The following GABRG3 variants were observed in gnomAD, a reference collection of about 807,000 sequenced individuals.
The protein encoded by GABRG3 is gamma-aminobutyric acid type A receptor subunit gamma3, also known as gamma-aminobutyric acid receptor subunit gamma-3.
A neutral mutation model predicts 48.8 loss-of-function variants in GABRG3; 25 were observed. That is an observed-to-expected ratio of 0.51 (90% CI 0.37 to 0.72). The LOEUF (loss-of-function observed/expected upper bound fraction) is 0.72. Among genes scored for constraint, GABRG3 ranks in the 30% least tolerant of loss-of-function variants. GABRG3 has a pLI of 0.00. For missense variants in GABRG3, 394 were observed against 577.9 expected (o/e 0.68, Z 3.26); for synonymous variants, 227 against 217.6 (o/e 1.04, Z -0.38).
chr15:27,443,327 G>A (rs535301670), intron 5 of GABRG3, among the ~76,000 whole-genome samples: 62 of 152,290 alleles, frequency 4.1e-4, no homozygotes, highest in African/African-American at 1.5e-3. Flanking sequence ...GTCTTTCCAT[G>A]TGCTACATTG....
chr15:27,223,610 A>G (rs566348589), intron 3 of GABRG3, among the ~76,000 whole-genome samples: 2 of 152,234 alleles, frequency 1.3e-5, no homozygotes, highest in Non-Finnish European at 2.9e-5. Flanking sequence ...TAACACAGCC[A>G]CTTCTCACAT....
intron 3 of GABRG3, among the ~76,000 whole-genome samples, chr15:27,055,573 G>C (rs572060234): frequency 6.6e-6 from 1 of 152,278 alleles, no homozygotes; most frequent in South Asian, 2.1e-4. Flanking sequence ...AGAACACACG[G>C]TGTTTTCAGC....
At chr15:27,175,091 T>C (rs1352855727) in intron 3 of GABRG3, among the ~76,000 whole-genome samples, 2 of 152,024 alleles carry the variant, frequency 1.3e-5, no homozygotes, top group Non-Finnish European at 2.9e-5. Context: ...GGATGGTGGG[T>C]TTTGCTGTTG....
chr15:27,250,987 C>T (rs907808525), intron 3 of GABRG3, among the ~76,000 whole-genome samples: 3 of 152,140 alleles, frequency 2.0e-5, no homozygotes, highest in African/African-American at 4.8e-5. Context: ...AACTGCTCGC[C>T]ATCACAGTGC....
At chr15:27,133,228 A>G (rs958984625) in intron 3 of GABRG3, among the ~76,000 whole-genome samples, 6 of 152,214 alleles carry the variant, frequency 3.9e-5, no homozygotes, top group Admixed American at 6.5e-5. Context: ...CTGGCTTTCT[A>G]TTAGAAAATA....
At chr15:27,193,553 G>GT (rs1888400537) in intron 3 of GABRG3, among the ~76,000 whole-genome samples, 1 of 152,088 alleles carries the variant, frequency 6.6e-6, no homozygotes, top group African/African-American at 2.4e-5. Flanking sequence ...CTGGTGCGCC[G>GT]TTTTTTAAGC....
chr15:27,451,660 C>G (rs1889116020), intron 5 of GABRG3, among the ~76,000 whole-genome samples: 1 of 152,100 alleles, frequency 6.6e-6, no homozygotes, highest in South Asian at 2.1e-4. Flanking sequence ...CCCAAAAGCA[C>G]AGGCAACAAA....
intron 3 of GABRG3, among the ~76,000 whole-genome samples, chr15:27,320,482 C>T (rs1289551676): frequency 6.6e-6 from 1 of 152,138 alleles, no homozygotes; most frequent in Admixed American, 6.5e-5. Context: ...CGAGAGAAAC[C>T]TGAGGCTTTT....
chr15:27,219,705 C>T (rs7173587), intron 3 of GABRG3, among the ~76,000 whole-genome samples: 24,832 of 152,182 alleles, frequency 0.16, 3,155 homozygotes, highest in African/African-American at 0.35. Flanking sequence ...GTGTGCCTAA[C>T]GGGGAGTGCC....
chr15:27,345,767 CT>C (rs774232423), intron 5 of GABRG3, among the ~76,000 whole-genome samples: 1 of 152,014 alleles, frequency 6.6e-6, no homozygotes, highest in Non-Finnish European at 1.5e-5. Flanking sequence ...GTATGAGAAA[CT>C]TTTGGCTGAG....
At chr15:27,350,169 G>T (rs966597021) in intron 5 of GABRG3, 1 of 455,918 alleles carries the variant, frequency 2.2e-6, no homozygotes, top group East Asian at 7.0e-5. Context: ...GCATATCGCT[G>T]ACGTTTAAAA....
At chr15:27,121,252 C>T (rs1411609150) in intron 3 of GABRG3, among the ~76,000 whole-genome samples, 1 of 152,128 alleles carries the variant, frequency 6.6e-6, no homozygotes, top group Non-Finnish European at 1.5e-5. Context: ...GAGTTTGTGT[C>T]TGGGGTCAGT....
chr15:27,389,204 G>T (rs1896146513), intron 5 of GABRG3, among the ~76,000 whole-genome samples: 1 of 152,098 alleles, frequency 6.6e-6, no homozygotes. Flanking sequence ...CATTAAAATA[G>T]AAAATACGAA....
At chr15:27,235,232 A>G (rs1178915836) in intron 3 of GABRG3, among the ~76,000 whole-genome samples, 1 of 151,534 alleles carries the variant, frequency 6.6e-6, no homozygotes, top group African/African-American at 2.5e-5. Context: ...CCGCCAAACC[A>G]GAAAAAGGTG....
Position 27,396,864 on chromosome 15 carries a change from A to G in GABRG3, c.574+67976A>G, listed in dbSNP as rs182819360. Among the ~76,000 whole-genome samples the G allele has an allele frequency of 1.1e-3, 168 of 152,304 alleles. 3 individuals carry two copies. Among genetic ancestry groups the G allele is most frequent in the African/African-American group, 3.7e-3 (155 of 41,570 alleles). On this transcript the variant is annotated intron_variant, in intron 5 of 9. Transcript: ENST00000615808. ...AATGAAGGAAGACCAAAAACTACATATTGTATGATTTTATTTACATTCCTC... is the reference window on the plus strand; with the variant it reads ...AATGAAGGAAGACCAAAAACTACATGTTGTATGATTTTATTTACATTCCTC...
intron 3 of GABRG3, among the ~76,000 whole-genome samples, chr15:27,150,472 T>A (rs1173730415): frequency 6.6e-6 from 1 of 152,214 alleles, no homozygotes; most frequent in Non-Finnish European, 1.5e-5. Flanking sequence ...GTTAACAAGA[T>A]GTTTCCATGA....
intron 5 of GABRG3, among the ~76,000 whole-genome samples, chr15:27,372,655 G>A (rs1895453142): frequency 6.6e-6 from 1 of 152,154 alleles, no homozygotes; most frequent in African/African-American, 2.4e-5. Context: ...GCCTTCCGAA[G>A]TACTAGGCCA....
At chr15:27,493,228 A>G (rs1194963466) in intron 6 of GABRG3, among the ~76,000 whole-genome samples, 3 of 152,212 alleles carry the variant, frequency 2.0e-5, no homozygotes, top group African/African-American at 7.2e-5. Context: ...TTTTAACATG[A>G]GACATACTCT....
chr15:27,386,123 CTCTT>C (rs756640344), intron 5 of GABRG3, among the ~76,000 whole-genome samples: 19 of 152,122 alleles, frequency 1.2e-4, no homozygotes, highest in Non-Finnish European at 2.4e-4. Context: ...TTCTCTCTCT[CTCTT>C]TGTTTTCCTG....
Sources: allele counts gnomAD v4.1 joint callset (sites outside exome capture counted in the v4.1 genomes callset), GRCh38; gene constraint gnomAD v4.1.1; transcripts MANE v1.5; gene names NCBI Gene and HGNC (gene_info 2026-07-23, HGNC 2026-07-21).